LZTS1: variants seen among roughly 807,000 people sequenced by gnomAD.
The protein encoded by LZTS1 is leucine zipper tumor suppressor 1.
A neutral mutation model predicts 45.8 loss-of-function variants in LZTS1; 31 were observed. The observed-to-expected ratio is 0.68, with a 90% CI of 0.51 to 0.91. The LOEUF (loss-of-function observed/expected upper bound fraction) is 0.91. LZTS1 is among the 40% of genes least tolerant of loss of function. LZTS1 has a pLI of 0.00. For synonymous variants in LZTS1, 359 were observed against 357.3 expected, an observed-to-expected ratio of 1.00 and a Z score of -0.05; for missense variants, 821 against 788.9, an observed-to-expected ratio of 1.04 and a Z score of -0.49.
Position 20,255,252 on chromosome 8 carries a change from C to G in LZTS1, c.-71G>C. 3.3e-6 allele frequency: 5 copies of G among 1,524,576 alleles called. No homozygotes were observed. The highest frequency in any genetic ancestry group is 3.5e-6 in the Non-Finnish European group (4 of 1,140,244). 94.4% of individuals were successfully genotyped at this position (1,524,576 alleles called of 1,614,324 possible). ...AAAGGCTGTGGCAGCAAGGGGCAGT[C>G]GTGGCTCCGTGAGGGGACTGAGGTC... On this transcript the variant is annotated 5_prime_UTR_variant, in exon 2 of 4. Transcript: ENST00000381569.
At chr8:20,275,238 C>CT (rs1800555772) in intron 1 of LZTS1, among the ~76,000 whole-genome samples, 1 of 151,936 alleles carries the variant, frequency 6.6e-6, no homozygotes, top group African/African-American at 2.4e-5. Flanking sequence ...CCCATCTCTA[C>CT]TAAAAATACA....
In LZTS1 at chr8:20,249,361, G is replaced by T. The variant is rs1416790406; in HGVS notation, c.*361C>A. On this transcript the variant is annotated 3_prime_UTR_variant, in exon 4 of 4. Transcript: ENST00000381569. ...GAGGAAAAAGAGGTTGGGATGAGAA[G>T]CAGAGGGGAGCCGCTGTACTTGCTG... 5 of 232,658 alleles carry T rather than the reference G, an allele frequency of 2.1e-5. No individual in the cohort carries two copies. The highest frequency in any genetic ancestry group is 3.4e-5 in the Non-Finnish European group (4 of 118,734). 14.4% of individuals were successfully genotyped at this position (232,658 alleles called of 1,614,324 possible). A position where few individuals can be genotyped will look rare whatever the true frequency, so the allele number is the denominator to read the frequency against.
intron 2 of LZTS1, among the ~76,000 whole-genome samples, chr8:20,254,611 C>T (rs1197964604): frequency 1.3e-5 from 2 of 152,206 alleles, no homozygotes; most frequent in Non-Finnish European, 2.9e-5. Flanking sequence ...TATGGCCTGA[C>T]CCAAGACTTC....
At position 20,246,684 on chromosome 8, in the gene LZTS1, CAGG is replaced by C. The variant is rs1366285160; in HGVS notation, c.*3035_*3037del. On this transcript the variant is annotated 3_prime_UTR_variant, in exon 4 of 4. Coordinates refer to ENST00000381569, the MANE Select transcript of LZTS1 (RefSeq NM_021020.5). ...TGCTATAGGGGCTGTGTGTGCCTGG[CAGG>C]AGTTCACTGGGAGAGCTAGGAGGGA... 1 of 152,402 alleles carries C rather than the reference CAGG, an allele frequency of 6.6e-6. No homozygotes were observed. Among genetic ancestry groups the C allele is most frequent in the Non-Finnish European group, 1.5e-5 (1 of 68,216 alleles). 9.4% of individuals were successfully genotyped at this position (152,402 alleles called of 1,614,324 possible).
Position 20,254,356 on chromosome 8 carries a change from G to A in LZTS1, c.345+481C>T, listed in dbSNP as rs75227841. ...CCTGTATTCAAAGATGCCCCCAGGC[G>A]CAGCTTGAACAAGGAGCTAATGCAC... On this transcript the variant is annotated intron_variant, in intron 2 of 3. Coordinates refer to ENST00000381569, the MANE Select transcript of LZTS1 (RefSeq NM_021020.5). Among the ~76,000 whole-genome samples, 180 of 152,218 alleles carry A rather than the reference G, an allele frequency of 1.2e-3. 2 individuals carry two copies. The highest frequency in any genetic ancestry group is 3.9e-3 in the African/African-American group (160 of 41,528).
At chr8:20,273,649 C>T (rs1327461033) in intron 1 of LZTS1, among the ~76,000 whole-genome samples, 1 of 152,176 alleles carries the variant, frequency 6.6e-6, no homozygotes, top group African/African-American at 2.4e-5. Flanking sequence ...CTACATCTGA[C>T]CAGCCACCAA....
Position 20,253,371 on chromosome 8 carries a change from G to A in LZTS1, c.560C>T (p.Thr187Ile), listed in dbSNP as rs1393179503. 1.2e-6 allele frequency: 2 copies of A among 1,613,456 alleles called. No individual in the cohort carries two copies. Among genetic ancestry groups the A allele is most frequent in the African/African-American group, 1.3e-5 (1 of 75,066 alleles). Residue 187 changes from threonine to isoleucine, a missense_variant, in exon 3 of 4, where the codon ACC becomes ATC. Transcript: ENST00000381569. ...CGGGTCCAGCTGGTAGCTGCTGCTG[G>A]TGCTGTGTGTGGGCAGGCTGGACAT... ...NSMSSLPTHS[T>I]SSSYQLDPLV...
At position 20,281,490 on chromosome 8, in the gene LZTS1, T is replaced by G. The variant is rs181205622; in HGVS notation, c.-135+22250A>C. Among the ~76,000 whole-genome samples, 208 of 152,254 alleles carry G rather than the reference T, an allele frequency of 1.4e-3. 1 individual carries two copies. Among genetic ancestry groups the G allele is most frequent in the African/African-American group, 4.8e-3 (199 of 41,538 alleles). On this transcript the variant is annotated intron_variant, in intron 1 of 3. Transcript: ENST00000381569. Reference sequence around the variant, plus strand: ...CGGGAGGCCGAGGCAGGAGAATCGCTTGCACCTGAGGCAGAAGTTGCAGTG... The same window carrying G: ...CGGGAGGCCGAGGCAGGAGAATCGCGTGCACCTGAGGCAGAAGTTGCAGTG...
intron 1 of LZTS1, among the ~76,000 whole-genome samples, chr8:20,301,457 TG>T (rs1366708573): frequency 6.6e-6 from 1 of 152,178 alleles, no homozygotes; most frequent in African/African-American, 2.4e-5. Flanking sequence ...TCCATTACAC[TG>T]GTCTATAAGG....
chr8:20,292,449 GT>G (rs1372289048), intron 1 of LZTS1, among the ~76,000 whole-genome samples: 1 of 152,204 alleles, frequency 6.6e-6, no homozygotes, highest in Non-Finnish European at 1.5e-5. Context: ...TTGCTTTTCA[GT>G]TTTGAAAGTA....
intron 1 of LZTS1, among the ~76,000 whole-genome samples, chr8:20,287,026 C>G (rs1353161985): frequency 1.4e-5 from 2 of 140,762 alleles, no homozygotes; most frequent in African/African-American, 6.5e-5. Flanking sequence ...GCAAACTTGT[C>G]TAGTTGTTCA....
At chr8:20,257,941 C>T (rs193243154) in intron 1 of LZTS1, among the ~76,000 whole-genome samples, 13 of 151,150 alleles carry the variant, frequency 8.6e-5, no homozygotes, top group Middle Eastern at 3.4e-3. Flanking sequence ...CCCAAAGTGC[C>T]GGGATTATAG....
intron 1 of LZTS1, among the ~76,000 whole-genome samples, chr8:20,295,572 T>C (rs1800965881): frequency 6.6e-6 from 1 of 152,150 alleles, no homozygotes; most frequent in Non-Finnish European, 1.5e-5. Context: ...ATATATCAGA[T>C]GCGGGACACA....
At chr8:20,286,573 G>C (rs1800795403) in intron 1 of LZTS1, among the ~76,000 whole-genome samples, 1 of 152,212 alleles carries the variant, frequency 6.6e-6, no homozygotes, top group Non-Finnish European at 1.5e-5. Flanking sequence ...GACATGCTCA[G>C]CCACACTATG....
At chr8:20,289,609 G>A (rs1307680956) in intron 1 of LZTS1, among the ~76,000 whole-genome samples, 1 of 152,190 alleles carries the variant, frequency 6.6e-6, no homozygotes, top group Non-Finnish European at 1.5e-5. Context: ...AGGGCTCTGG[G>A]TTTGTGTGGC....
At chr8:20,264,770 G>A (rs1371229963) in intron 1 of LZTS1, among the ~76,000 whole-genome samples, 1 of 152,206 alleles carries the variant, frequency 6.6e-6, no homozygotes, top group Admixed American at 6.5e-5. Flanking sequence ...TGAGGCCAGA[G>A]CGGAAAAGGG....
At chr8:20,287,897 CA>C (rs34653802) in intron 1 of LZTS1, among the ~76,000 whole-genome samples, 1,339 of 54,122 alleles carry the variant, frequency 0.025, 2 homozygotes, top group Non-Finnish European at 0.028. Flanking sequence ...GCACTCCAGC[CA>C]AAAAAAAAAA....
chr8:20,255,303 G>GA lies in LZTS1; in HGVS notation c.-123dup, dbSNP rs1800071195. 1 of 1,446,144 alleles carries GA rather than the reference G, an allele frequency of 6.9e-7. No individual in the cohort carries two copies. Among genetic ancestry groups the GA allele is most frequent in the East Asian group, 2.5e-5 (1 of 40,370 alleles). The allele number at this position is 1,446,144 out of a possible 1,614,324, so 89.6% of individuals were successfully genotyped here. A position where few individuals can be genotyped will look rare whatever the true frequency, so the allele number is the denominator to read the frequency against. ...ATAGCAAAGCCCTCACAGAGCCTGC[G>GA]AGAGCCGTAGACCTGGAAGAAGACA... is the stretch of plus-strand genomic sequence containing the variant. On this transcript the variant is annotated 5_prime_UTR_variant, in exon 2 of 4. Transcript: ENST00000381569.
At chr8:20,302,707 G>A (rs1364350221) in intron 1 of LZTS1, among the ~76,000 whole-genome samples, 1 of 152,354 alleles carries the variant, frequency 6.6e-6, no homozygotes, top group East Asian at 1.9e-4. Flanking sequence ...GAGTAGAGGG[G>A]CTGATGGCAG....
Sources: gnomAD v4.1 joint callset for allele counts (sites outside exome capture counted in the v4.1 genomes callset) on GRCh38, gnomAD v4.1.1 for gene constraint, MANE v1.5 for transcripts, NCBI Gene and HGNC (gene_info 2026-07-23, HGNC 2026-07-21) for gene names.